Variants in DNAH17 observed in about 807,000 individuals in gnomAD.
The protein encoded by DNAH17 is dynein axonemal heavy chain 17, also known as axonemal beta dynein heavy chain 17.
In DNAH17, 376 loss-of-function variants were observed where a neutral mutation model predicts 485.6. The ratio of observed to expected loss-of-function variants is 0.77; its 90% CI spans 0.71 to 0.84. The LOEUF is 0.84. Among genes scored for constraint, DNAH17 ranks in the 40% least tolerant of loss-of-function variants. The pLI, the probability that DNAH17 is intolerant of heterozygous loss-of-function variation, is 0.00. For synonymous variants in DNAH17, 3,031 were observed against 2,405.9 expected (o/e 1.26, Z -7.60); for missense variants, 6,370 against 5,839.3 (o/e 1.09, Z -2.96).
At position 78,450,836 on chromosome 17, in the gene DNAH17, G is replaced by T. The variant is rs1475438436; in HGVS notation, c.10745C>A (p.Thr3582Asn). 1 of 1,613,852 alleles carries T rather than the reference G, an allele frequency of 6.2e-7. No homozygotes were observed. Among genetic ancestry groups the T allele is most frequent in the African/African-American group, 1.3e-5 (1 of 74,954 alleles). ...PDLEQLKANL[T>N]KSQNEFKIVL... ...AATCTTAAATTCGTTTTGAGACTTG[G>T]TGAGGTTTGCCTGCAAGGGGAGGTG... Residue 3582 changes from threonine to asparagine, a missense_variant, in exon 67 of 81, where the codon ACC becomes AAC. By Grantham distance (65) the Thr-to-Asn change is moderately conservative (BLOSUM62 0). Transcript: ENST00000389840.
At position 78,458,686 on chromosome 17, in the gene DNAH17, A is replaced by C; in HGVS notation, c.9862-6T>G. The C allele has an allele frequency of 1.2e-6, 2 of 1,612,890 alleles. No homozygotes were observed. The highest frequency in any genetic ancestry group is 1.1e-5 in the South Asian group (1 of 91,074). The stretch of plus-strand genomic sequence containing the variant: ...CTCAGGTTGGCGTTAAGTTCCTGCA[A>C]AACCAAGTTGGAAAGCTGCTGGAAA... On this transcript the variant is annotated splice_region_variant and splice_polypyrimidine_tract_variant and intron_variant, in intron 61 of 80. Transcript: ENST00000389840.
chr17:78,542,456 A>C (rs2091622550), intron 17 of DNAH17, among the ~76,000 whole-genome samples: 1 of 152,122 alleles, frequency 6.6e-6, no homozygotes, highest in South Asian at 2.1e-4. Flanking sequence ...CCGTTATTTG[A>C]GCTCAAGGGA....
chr17:78,451,086 G>GGCCTGGGCC lies in DNAH17; in HGVS notation c.10735-249_10735-241dup, dbSNP rs371382379. On this transcript the variant is annotated intron_variant, in intron 66 of 80. Coordinates refer to ENST00000389840, the MANE Select transcript of DNAH17 (RefSeq NM_173628.4). ...GTAGGGGGCAGAACGGGGACAGGCGGGCCTGGGCCTCCTGAGCCCATGCAA... is the reference window on the plus strand; with the variant it reads ...GTAGGGGGCAGAACGGGGACAGGCGGGCCTGGGCCGCCTGGGCCTCCTGAGCCCATGCAA... Among the ~76,000 whole-genome samples the GGCCTGGGCC allele has an allele frequency of 7.7e-4, 118 of 152,366 alleles. 1 individual carries two copies. The highest frequency in any genetic ancestry group is 2.8e-3 in the African/African-American group (116 of 41,592).
intron 18 of DNAH17, 60 bp from the exon 19 acceptor site, chr17:78,537,541 A>C (rs982467689): frequency 2.5e-5 from 39 of 1,558,452 alleles, no homozygotes; most frequent in Non-Finnish European, 3.0e-5. Flanking sequence ...GATGATTCTC[A>C]GTGCCCTGAT....
Position 78,426,518 on chromosome 17 carries a change from C to G in DNAH17, c.12854G>C (p.Arg4285Pro), listed in dbSNP as rs35973257. The change falls in exon 79 of 81, where the codon CGG becomes CCG. Residue 4285 changes from arginine (R) to proline (P), a missense_variant. By Grantham distance (103) the Arg-to-Pro change is moderately radical (BLOSUM62 -2). Transcript: ENST00000389840. ...YDTVPDTWVA[R>P]AYPSMMGLAA... ...CAGGCCCATCATGGAGGGGTAGGCC[C>G]GGGCCACCCACGTATCAGGCACGGT... The G allele has an allele frequency of 6.2e-7, 1 of 1,613,430 alleles. No homozygotes were observed. Among genetic ancestry groups the G allele is most frequent in the Non-Finnish European group, 8.5e-7 (1 of 1,179,650 alleles).
At position 78,572,746 on chromosome 17, in the gene DNAH17, G is replaced by A. The variant is rs376331737; in HGVS notation, c.494C>T (p.Pro165Leu). The A allele has an allele frequency of 1.2e-4, 201 of 1,612,346 alleles. No homozygotes were observed. Among genetic ancestry groups the A allele is most frequent in the Non-Finnish European group, 1.6e-4 (184 of 1,179,406 alleles). The change falls in exon 3 of 81, where the codon CCG (proline) becomes CTG (leucine). Residue 165 changes from proline to leucine, a missense_variant. Transcript: ENST00000389840. The part of the protein sequence containing the change: ...KIKGKTLLPI[P>L]EHLGSLDGTL... ...GCCATCCAGGCTGCCCAGGTGCTCC[G>A]GAATAGGCAGCAAGGTTTTGCCTTT...
chr17:78,448,043 A>G (rs1310024580), intron 69 of DNAH17, among the ~76,000 whole-genome samples: 1 of 152,016 alleles, frequency 6.6e-6, no homozygotes, highest in East Asian at 1.9e-4. Context: ...ATGGTGGTGC[A>G]TGCCTGTAAT....
chr17:78,456,093 G>T (rs1456806264), intron 62 of DNAH17, among the ~76,000 whole-genome samples: 2 of 152,016 alleles, frequency 1.3e-5, no homozygotes, highest in Non-Finnish European at 2.9e-5. Flanking sequence ...GAGGTCAGGG[G>T]GTCGATACCA....
intron 77 of DNAH17, 158 bp from the exon 78 acceptor site, chr17:78,427,266 C>A: frequency 1.5e-6 from 1 of 688,744 alleles, no homozygotes; most frequent in South Asian, 1.8e-5. Context: ...TGGGTGCAGC[C>A]ACACATTTGA....
At chr17:78,554,729 A>G (rs1380515520) in intron 14 of DNAH17, among the ~76,000 whole-genome samples, 2 of 152,134 alleles carry the variant, frequency 1.3e-5, no homozygotes, top group Admixed American at 6.6e-5. Context: ...GCCTTTCAGA[A>G]TAATTCTTTA....
chr17:78,480,215 G>A (rs764431524), intron 49 of DNAH17, among the ~76,000 whole-genome samples: 12 of 151,618 alleles, frequency 7.9e-5, no homozygotes, highest in Non-Finnish European at 1.6e-4. Context: ...CAGGTGTGGT[G>A]GCGCACACCT....
intron 75 of DNAH17, among the ~76,000 whole-genome samples, chr17:78,430,611 C>G (rs925700414): frequency 6.6e-6 from 1 of 152,164 alleles, no homozygotes; most frequent in Admixed American, 6.5e-5. Flanking sequence ...GATGGAGTCT[C>G]GCTCTGTTGC....
intron 72 of DNAH17, among the ~76,000 whole-genome samples, chr17:78,440,241 ATGCTTT>A (rs1462020019): frequency 1.8e-5 from 2 of 113,428 alleles, no homozygotes; most frequent in Non-Finnish European, 3.4e-5. Flanking sequence ...GGCCGACTTC[ATGCTTT>A]TTTTTTTTTT....
At chr17:78,492,450 G>T (rs1221739646) in intron 42 of DNAH17, among the ~76,000 whole-genome samples, 183 bp downstream of exon 42, 1 of 152,118 alleles carries the variant, frequency 6.6e-6, no homozygotes, top group Non-Finnish European at 1.5e-5. Context: ...CCCAGCCCGG[G>T]TGCTACGTGC....
rs2086678597 is a variant in DNAH17 at position 78,431,626 on chromosome 17, GAC to G, written c.12226-2328_12226-2327del. 3.9e-5 allele frequency among the ~76,000 whole-genome samples: 6 copies of G among 152,234 alleles called. No individual in the cohort carries two copies. The South Asian group carries it at 1.2e-3, about 32-fold the overall frequency. On this transcript the variant is annotated intron_variant, in intron 75 of 80. Transcript: ENST00000389840. The stretch of plus-strand genomic sequence containing the variant: ...GGCTAAACAGGCCGTGGACACAGAT[GAC>G]ATCATTCCCGGTGGTCACTCAGCGT...
At chr17:78,431,402 G>A (rs943287395) in intron 75 of DNAH17, among the ~76,000 whole-genome samples, 4 of 151,940 alleles carry the variant, frequency 2.6e-5, no homozygotes, top group Admixed American at 1.3e-4. Flanking sequence ...CTTCCCGCAG[G>A]GGGTGGGGGT....
At position 78,526,983 on chromosome 17, in the gene DNAH17, T is replaced by G; in HGVS notation, c.3521A>C (p.His1174Pro). 1 of 1,580,700 alleles carries G rather than the reference T, an allele frequency of 6.3e-7. No homozygotes were observed. Among genetic ancestry groups the G allele is most frequent in the Non-Finnish European group, 8.6e-7 (1 of 1,163,238 alleles). ...IHLKLQELPE[H>P]WANTKKLAIQ... is the part of the protein sequence containing the mutation. Reference sequence around the variant, plus strand: ...GGCCAGTTTCTTGGTATTTGCCCAGTGCTCCGGCAGCTCCTGCGGGAAGCA... The same window carrying G: ...GGCCAGTTTCTTGGTATTTGCCCAGGGCTCCGGCAGCTCCTGCGGGAAGCA... Residue 1174 changes from histidine to proline, a missense_variant, in exon 23 of 81, where the codon CAC (histidine) becomes CCC (proline). His to Pro is a moderately conservative substitution (Grantham distance 77). Transcript: ENST00000389840.
Position 78,574,963 on chromosome 17 carries a change from C to T in DNAH17, c.95G>A (p.Gly32Asp), listed in dbSNP as rs758818731. ...FKPDKWSKLIGAEENVALFTE... is the reference protein window; with the variant it reads ...FKPDKWSKLIDAEENVALFTE... The stretch of plus-strand genomic sequence containing the variant: ...GAACAGGGCCACGTTCTCCTCGGCG[C>T]CTATCAGCTTGCTCCACTTGTCCGG... Residue 32 changes from glycine to aspartate, a missense_variant, in exon 2 of 81, where the codon GGC becomes GAC. By Grantham distance (94) the Gly-to-Asp change is moderately conservative. Transcript: ENST00000389840. The T allele has an allele frequency of 6.2e-7, 1 of 1,614,020 alleles. No homozygotes were observed. The highest frequency in any genetic ancestry group is 1.1e-5 in the South Asian group (1 of 91,086).
chr17:78,554,614 G>A (rs1396311964), intron 14 of DNAH17, among the ~76,000 whole-genome samples: 1 of 152,068 alleles, frequency 6.6e-6, no homozygotes. Flanking sequence ...TTTAGGCCTA[G>A]GAATCTCATC....
Sources: allele counts gnomAD v4.1 joint callset (sites outside exome capture counted in the v4.1 genomes callset), GRCh38; gene constraint gnomAD v4.1.1; transcripts MANE v1.5; gene names NCBI Gene and HGNC (gene_info 2026-07-23, HGNC 2026-07-21).